PSIP1: variants seen among roughly 807,000 people sequenced by gnomAD.
The protein encoded by PSIP1 is PC4 and SFRS1-interacting protein.
A neutral mutation model predicts 74.7 loss-of-function variants in PSIP1; 19 were observed. The observed-to-expected ratio is 0.25, with a 90% CI of 0.18 to 0.37. PSIP1 has a LOEUF of 0.37. Ranked by LOEUF, PSIP1 falls within the 10% of genes least tolerant of loss-of-function variation. The pLI is 1.00. For missense variants in PSIP1, 601 were observed against 614.3 expected (o/e 0.98, Z 0.23); for synonymous variants, 222 against 195.3 (o/e 1.14, Z -1.14).
Position 15,476,821 on chromosome 9 carries a change from AGATGAG to A in PSIP1, c.629+1650_629+1655del, listed in dbSNP as rs1176523944. 5.9e-5 allele frequency among the ~76,000 whole-genome samples: 9 copies of A among 152,328 alleles called. No individual in the cohort carries two copies. The East Asian group carries it at 1.2e-3, about 20-fold the overall frequency. Reference sequence around the variant, plus strand: ...AGACTCCATCAAAAGAAAGTAAGTGAGATGAGGATAAGTTCCTAAAAAGGTACACTG... The same window carrying A: ...AGACTCCATCAAAAGAAAGTAAGTGAGATAAGTTCCTAAAAAGGTACACTG... On this transcript the variant is annotated intron_variant, in intron 8 of 15. Coordinates refer to ENST00000380733, the MANE Select transcript of PSIP1 (RefSeq NM_033222.5).
intron 11 of PSIP1, 150 bp downstream of exon 11, chr9:15,469,788 A>G (rs1460839621): frequency 1.6e-6 from 1 of 609,872 alleles, no homozygotes; most frequent in African/African-American, 1.9e-5. Flanking sequence ...AATACAATGC[A>G]ATTTATATAA....
chr9:15,478,120 C>T (rs570447543), intron 8 of PSIP1, among the ~76,000 whole-genome samples: 2 of 144,848 alleles, frequency 1.4e-5, no homozygotes, highest in East Asian at 4.0e-4. Context: ...GAGTGAAACC[C>T]CATCTTTAAA....
At chr9:15,486,167 A>G in intron 5 of PSIP1, 99 bp from the exon 6 acceptor site, 2 of 966,140 alleles carry the variant, frequency 2.1e-6, no homozygotes, top group Non-Finnish European at 1.6e-6. Context: ...AACTGAAAGC[A>G]TTGGGGAAAT....
intron 3 of PSIP1, among the ~76,000 whole-genome samples, chr9:15,493,399 T>A (rs767387219): frequency 1.3e-5 from 2 of 152,128 alleles, no homozygotes; most frequent in Non-Finnish European, 2.9e-5. Context: ...ATTCAACAAG[T>A]CTCTAGAAGT....
intron 9 of PSIP1, among the ~76,000 whole-genome samples, chr9:15,473,362 GGCCACA>G (rs2035926319): frequency 1.3e-5 from 2 of 151,990 alleles, no homozygotes; most frequent in South Asian, 2.1e-4. Flanking sequence ...TGTCTTCACT[GGCCACA>G]GCCTATTTCA....
chr9:15,479,066 A>C (rs1238703758), intron 7 of PSIP1, among the ~76,000 whole-genome samples: 1 of 152,086 alleles, frequency 6.6e-6, no homozygotes, highest in East Asian at 1.9e-4. Context: ...GAATCCTATT[A>C]AAAAGTAGAA....
rs112406687 is a variant in PSIP1 at position 15,480,330 on chromosome 9, AAGG to A, written c.457-646_457-644del. Among the ~76,000 whole-genome samples the A allele has an allele frequency of 8.5e-5, 13 of 152,376 alleles. 2 individuals are homozygous for A. Among genetic ancestry groups the A allele is most frequent in the African/African-American group, 2.9e-4 (12 of 41,592 alleles). Reference sequence around the variant, plus strand: ...GCAAAAGGAGGAAAGAGAAAGACCAAAGGAGGAGATGGGCTCCTTCCCCAACTC... The same window carrying A: ...GCAAAAGGAGGAAAGAGAAAGACCAAAGGAGATGGGCTCCTTCCCCAACTC... On this transcript the variant is annotated intron_variant, in intron 6 of 15. Coordinates refer to ENST00000380733, the MANE Select transcript of PSIP1 (RefSeq NM_033222.5).
intron 10 of PSIP1, chr9:15,471,912 A>T (rs771820620): frequency 2.0e-6 from 2 of 982,826 alleles, no homozygotes; most frequent in Non-Finnish European, 2.4e-6. Context: ...CTTCACGAGA[A>T]AAGAAAAGCA....
chr9:15,501,528 A>G (rs2037343430), intron 3 of PSIP1, among the ~76,000 whole-genome samples: 1 of 152,184 alleles, frequency 6.6e-6, no homozygotes, highest in Admixed American at 6.5e-5. Context: ...AAGACCTGAG[A>G]TAAGATGAGG....
chr9:15,489,212 G>A (rs1361668517), intron 4 of PSIP1: 1 of 152,050 alleles, frequency 6.6e-6, no homozygotes, highest in Non-Finnish European at 1.5e-5. Flanking sequence ...GGTATAAGGT[G>A]GCTGCTGACA....
chr9:15,501,011 T>C (rs1393163807), intron 3 of PSIP1, among the ~76,000 whole-genome samples: 1 of 152,096 alleles, frequency 6.6e-6, no homozygotes, highest in Non-Finnish European at 1.5e-5. Context: ...TTTAAATAAA[T>C]AATAGCCAAG....
intron 6 of PSIP1, among the ~76,000 whole-genome samples, chr9:15,481,778 C>T (rs2036347155): frequency 6.6e-6 from 1 of 152,076 alleles, no homozygotes; most frequent in South Asian, 2.1e-4. Flanking sequence ...ACTATATTAA[C>T]ACTAATACTA....
At chr9:15,477,368 C>G (rs1193085119) in intron 8 of PSIP1, among the ~76,000 whole-genome samples, 1 of 152,070 alleles carries the variant, frequency 6.6e-6, no homozygotes. Context: ...AGTCTACTCT[C>G]TTAGTAATTT....
intron 2 of PSIP1, among the ~76,000 whole-genome samples, chr9:15,507,949 T>A (rs2037675864): frequency 6.6e-6 from 1 of 152,232 alleles, no homozygotes; most frequent in Non-Finnish European, 1.5e-5. Flanking sequence ...TTTGTGGGAA[T>A]GTCCCGATAA....
intron 15 of PSIP1, among the ~76,000 whole-genome samples, 155 bp downstream of exon 15, chr9:15,466,590 CTCT>C (rs930390261): frequency 6.6e-6 from 1 of 152,276 alleles, no homozygotes; most frequent in African/African-American, 2.4e-5. Flanking sequence ...AAGGTTTTTA[CTCT>C]TCTTCCTTTT....
chr9:15,471,710 GA>G, intron 10 of PSIP1: 1 of 966,120 alleles, frequency 1.0e-6, no homozygotes, highest in Non-Finnish European at 1.2e-6. Flanking sequence ...TAAGAAAGCA[GA>G]GTAAAACGCT....
In PSIP1 at chr9:15,481,849, G is replaced by A. The variant is rs143518582; in HGVS notation, c.457-2162C>T. On this transcript the variant is annotated intron_variant, in intron 6 of 15. Transcript: ENST00000380733. ...TATTATGGCAAAATCATGCAAGTCAGAACCATTCCTCATGAAAATAAAATC... is the reference window on the plus strand; with the variant it reads ...TATTATGGCAAAATCATGCAAGTCAAAACCATTCCTCATGAAAATAAAATC... 2.1e-3 allele frequency among the ~76,000 whole-genome samples: 320 copies of A among 152,192 alleles called. 3 individuals carry two copies. The highest frequency in any genetic ancestry group is 7.1e-3 in the African/African-American group (294 of 41,510).
At chr9:15,479,810 G>T in intron 6 of PSIP1, 123 bp from the exon 7 acceptor site, 1 of 534,700 alleles carries the variant, frequency 1.9e-6, no homozygotes. Flanking sequence ...ACCTCTATAT[G>T]ATCTTTTGTT....
chr9:15,477,628 C>G (rs2036148037), intron 8 of PSIP1, among the ~76,000 whole-genome samples: 1 of 151,906 alleles, frequency 6.6e-6, no homozygotes, highest in African/African-American at 2.4e-5. Context: ...TCTAAATATA[C>G]TCTCTATTCC....
Sources: allele counts gnomAD v4.1 joint callset (sites outside exome capture counted in the v4.1 genomes callset), GRCh38; gene constraint gnomAD v4.1.1; transcripts MANE v1.5; gene names NCBI Gene and HGNC (gene_info 2026-07-23, HGNC 2026-07-21).